SF3A1: variants seen among roughly 807,000 people sequenced by gnomAD.
SF3A1 encodes the protein splicing factor 3a subunit 1.
SF3A1 carries 13 observed loss-of-function variants against 89.9 expected under a neutral mutation model. The observed-to-expected ratio is 0.14, with a 90% CI of 0.09 to 0.23. The LOEUF (loss-of-function observed/expected upper bound fraction) is 0.23. Ranked by LOEUF, SF3A1 falls within the 10% of genes least tolerant of loss-of-function variation. SF3A1 has a pLI of 1.00. For missense variants in SF3A1, 604 were observed against 1,022.1 expected (o/e 0.59, Z 5.58); for synonymous variants, 405 against 374.4 (o/e 1.08, Z -0.94).
intron 6 of SF3A1, 28 bp downstream of exon 6, chr22:30,342,172 C>T (rs9608885): frequency 0.61 from 983,634 of 1,612,832 alleles, 306,839 homozygotes; most frequent in African/African-American, 0.82. Flanking sequence ...CCTGGCTCCC[C>T]ATCTGGAGTC....
intron 3 of SF3A1, chr22:30,346,093 G>A: frequency 1.8e-6 from 1 of 565,020 alleles, no homozygotes; most frequent in South Asian, 2.1e-5. Context: ...CAAGACTCCT[G>A]AAGTACCAAG....
At chr22:30,346,694 T>C (rs1017888745) in intron 2 of SF3A1, among the ~76,000 whole-genome samples, 175 bp from the exon 3 acceptor site, 1 of 152,162 alleles carries the variant, frequency 6.6e-6, no homozygotes, top group African/African-American at 2.4e-5. Flanking sequence ...ATCTGCCTCA[T>C]TCAGCTTGAA....
At chr22:30,338,017 C>A in intron 11 of SF3A1, 120 bp from the exon 12 acceptor site, 2 of 752,302 alleles carry the variant, frequency 2.7e-6, no homozygotes, top group South Asian at 1.5e-5. Context: ...ACGTCCTGGC[C>A]CCCTGGGACT....
chr22:30,355,634 C>T (rs552334124), intron 1 of SF3A1, among the ~76,000 whole-genome samples: 1 of 152,220 alleles, frequency 6.6e-6, no homozygotes. Context: ...CACTACGCTC[C>T]TAAGTCTATG....
intron 1 of SF3A1, 94 bp from the exon 2 acceptor site, chr22:30,353,166 A>C: frequency 6.9e-7 from 1 of 1,459,672 alleles, no homozygotes; most frequent in Non-Finnish European, 9.2e-7. Flanking sequence ...TTCAGAGTAG[A>C]CTTTCATTCA....
At chr22:30,346,162 T>C in intron 3 of SF3A1, 150 bp downstream of exon 3, 3 of 645,956 alleles carry the variant, frequency 4.6e-6, no homozygotes, top group Non-Finnish European at 8.3e-6. Context: ...CTTTGCTGTC[T>C]GGGCCTCGGT....
chr22:30,338,541 C>T (rs550944060), intron 11 of SF3A1, among the ~76,000 whole-genome samples: 2 of 152,242 alleles, frequency 1.3e-5, no homozygotes, highest in East Asian at 3.9e-4. Flanking sequence ...CCAATAAGCC[C>T]TGCAGCCCTT....
At chr22:30,351,812 T>C (rs1273940633) in intron 2 of SF3A1, among the ~76,000 whole-genome samples, 1 of 152,230 alleles carries the variant, frequency 6.6e-6, no homozygotes, top group Non-Finnish European at 1.5e-5. Context: ...CATTTTTAAA[T>C]AGTAGCAACA....
Position 30,335,724 on chromosome 22 carries a change from G to A in SF3A1, c.2136C>T (p.Pro712=), listed in dbSNP as rs748430167. The A allele has an allele frequency of 3.1e-6, 5 of 1,614,154 alleles. 1 individual carries two copies. The highest frequency in any genetic ancestry group is 4.2e-6 in the Non-Finnish European group (5 of 1,180,014). ...TCCATTCCGTCTTATCCTGCATGTT[G>A]GGCACCTGGACTTTGATGGACACTG... ...KGPVSIKVQV[P]NMQDKTEWKL... is the part of the protein sequence containing the mutation. Residue 712 remains proline, a synonymous_variant, in exon 14 of 16, where the codon CCC becomes CCT. Coordinates refer to ENST00000215793, the MANE Select transcript of SF3A1 (RefSeq NM_005877.6).
rs1341782275 is a variant in SF3A1 at position 30,334,531 on chromosome 22, G to A, written c.*63C>T. Reference sequence around the variant, plus strand: ...AAGCCTCAGGGGGGCTCCTGGGTCTGGGGCAGGGGGTGGGAGACAGGAGAG... The same window carrying A: ...AAGCCTCAGGGGGGCTCCTGGGTCTAGGGCAGGGGGTGGGAGACAGGAGAG... On this transcript the variant is annotated 3_prime_UTR_variant, in exon 16 of 16. Coordinates refer to ENST00000215793, the MANE Select transcript of SF3A1 (RefSeq NM_005877.6). 1.9e-6 allele frequency: 2 copies of A among 1,053,470 alleles called. No individual in the cohort carries two copies. The highest frequency in any genetic ancestry group is 2.8e-6 in the Non-Finnish European group (2 of 724,602). The allele number at this position is 1,053,470 out of a possible 1,614,324, so 65.3% of individuals were successfully genotyped here.
At chr22:30,342,087 C>G in intron 6 of SF3A1, 113 bp downstream of exon 6, 1 of 1,330,876 alleles carries the variant, frequency 7.5e-7, no homozygotes, top group Non-Finnish European at 1.1e-6. Flanking sequence ...GAGGAGACAG[C>G]ACTGATAAAG....
At chr22:30,336,269 A>G (rs895235790) in intron 13 of SF3A1, among the ~76,000 whole-genome samples, 1 of 152,228 alleles carries the variant, frequency 6.6e-6, no homozygotes, top group Non-Finnish European at 1.5e-5. Context: ...CTGTAATCCC[A>G]GCACTTTGGG....
chr22:30,335,168 T>C (rs1275725787), intron 15 of SF3A1, among the ~76,000 whole-genome samples: 1 of 152,172 alleles, frequency 6.6e-6, no homozygotes, highest in Non-Finnish European at 1.5e-5. Flanking sequence ...GCCCAACCAC[T>C]GGATCAGGAA....
chr22:30,355,814 T>TCC (rs1304859430), intron 1 of SF3A1, among the ~76,000 whole-genome samples: 17 of 66,316 alleles, frequency 2.6e-4, no homozygotes, highest in East Asian at 1.8e-3. Context: ...TTCAGTCATG[T>TCC]TCCCCCCCCC....
At chr22:30,350,206 C>T (rs988429989) in intron 2 of SF3A1, among the ~76,000 whole-genome samples, 1 of 151,776 alleles carries the variant, frequency 6.6e-6, no homozygotes, top group African/African-American at 2.4e-5. Flanking sequence ...CCTGTAATCC[C>T]AGCCACCTTG....
intron 12 of SF3A1, 123 bp from the exon 13 acceptor site, chr22:30,337,303 C>T (rs955668146): frequency 2.0e-6 from 2 of 982,294 alleles, no homozygotes; most frequent in Admixed American, 2.9e-5. Context: ...AAGTGCTGTT[C>T]CCTGCTAAGT....
chr22:30,334,517 G>T lies in SF3A1; in HGVS notation c.*77C>A. 3 of 858,072 alleles carry T rather than the reference G, an allele frequency of 3.5e-6. No individual in the cohort carries two copies. Among genetic ancestry groups the T allele is most frequent in the Non-Finnish European group, 5.4e-6 (3 of 552,888 alleles). 53.2% of individuals were successfully genotyped at this position (858,072 alleles called of 1,614,324 possible). On this transcript the variant is annotated 3_prime_UTR_variant, in exon 16 of 16. Transcript: ENST00000215793. Reference sequence around the variant, plus strand: ...ATGCAGGCAAGGCAAAGCCTCAGGGGGGCTCCTGGGTCTGGGGCAGGGGGT... The same window carrying T: ...ATGCAGGCAAGGCAAAGCCTCAGGGTGGCTCCTGGGTCTGGGGCAGGGGGT...
In SF3A1 at chr22:30,337,683, T is replaced by G; in HGVS notation, c.1951+7A>C. ...ATGGCCTGGAAAATGATGCAAGAGA[T>G]ACTGACCTGTTGGCACAATCATGGG... On this transcript the variant is annotated splice_region_variant and intron_variant, in intron 12 of 15. Coordinates refer to ENST00000215793, the MANE Select transcript of SF3A1 (RefSeq NM_005877.6). 2 of 884,204 alleles carry G rather than the reference T, an allele frequency of 2.3e-6. No individual in the cohort carries two copies. The highest frequency in any genetic ancestry group is 3.2e-6 in the Non-Finnish European group (2 of 617,384). The allele number at this position is 884,204 out of a possible 1,614,324, so 54.8% of individuals were successfully genotyped here. A position where few individuals can be genotyped will look rare whatever the true frequency, so the allele number is the denominator to read the frequency against.
chr22:30,355,044 T>G (rs78222366), intron 1 of SF3A1, among the ~76,000 whole-genome samples: 1 of 152,158 alleles, frequency 6.6e-6, no homozygotes. Context: ...TTTTTTTTTT[T>G]GAGACAGTCT....
Sources: gnomAD v4.1 joint callset for allele counts (sites outside exome capture counted in the v4.1 genomes callset) on GRCh38, gnomAD v4.1.1 for gene constraint, MANE v1.5 for transcripts, NCBI Gene and HGNC (gene_info 2026-07-23, HGNC 2026-07-21) for gene names.